Variants in SLC25A53 observed in about 807,000 individuals in gnomAD.
The protein encoded by SLC25A53 is mitochondrial carrier triple repeat protein 6.
In SLC25A53, 5 loss-of-function variants were observed where a neutral mutation model predicts 15.0. That is an observed-to-expected ratio of 0.33 (90% CI 0.17 to 0.70). SLC25A53 has a LOEUF of 0.70. Among genes scored for constraint, SLC25A53 ranks in the 30% least tolerant of loss-of-function variants. The pLI, the probability that SLC25A53 is intolerant of heterozygous loss-of-function variation, is 0.67. For synonymous variants in SLC25A53, 95 were observed against 100.0 expected, an observed-to-expected ratio of 0.95 and a Z score of 0.30; for missense variants, 216 against 241.6, an observed-to-expected ratio of 0.89 and a Z score of 0.70.
At chrX:104,133,419 G>C (rs924699435) in intron 1 of SLC25A53, among the ~76,000 whole-genome samples, 7 of 111,233 alleles carry the variant, frequency 6.3e-5, no homozygotes, top group Non-Finnish European at 7.5e-5. Context: ...ATAGAGGTGG[G>C]TGGCTGGTTC....
At chrX:104,113,935 G>T in intron 1 of SLC25A53, 1 of 727,900 alleles carries the variant, frequency 1.4e-6, no homozygotes. Flanking sequence ...GAATGCTACT[G>T]CAGACTGCTT....
At chrX:104,146,258 C>A (rs1362918295) in intron 1 of SLC25A53, among the ~76,000 whole-genome samples, 3 of 112,053 alleles carry the variant, frequency 2.7e-5, no homozygotes, top group Non-Finnish European at 1.9e-5. Context: ...TTCAACAGCC[C>A]TTCATGCTAA....
intron 1 of SLC25A53, among the ~76,000 whole-genome samples, chrX:104,155,736 C>G (rs911581440): frequency 9.0e-6 from 1 of 111,001 alleles, no homozygotes; most frequent in Non-Finnish European, 1.9e-5. Flanking sequence ...GGCAAATGCT[C>G]TTACCAGAAA....
chrX:104,105,159 A>G lies in SLC25A53; in HGVS notation c.99T>C (p.Leu33=), dbSNP rs1556355452. ...KKSWHSQAYA[L]GAVSNFMSTF... ...TAGACATAAAGTTGGAAACGGCCCC[A>G]AGGGCATAGGCCTGGGAATGCCAGC... Residue 33 remains leucine, a synonymous_variant, in exon 2 of 2, where the codon CTT becomes CTC. Transcript: ENST00000594199. 8.3e-7 allele frequency: 1 copy of G among 1,210,876 alleles called. No individual in the cohort carries two copies. The highest frequency in any genetic ancestry group is 1.7e-5 in the African/African-American group (1 of 57,406).
At chrX:104,110,528 A>G (rs1485995574) in intron 1 of SLC25A53, among the ~76,000 whole-genome samples, 4 of 112,579 alleles carry the variant, frequency 3.6e-5, no homozygotes, top group African/African-American at 9.7e-5. Flanking sequence ...TGAAGCCAAC[A>G]GCAGCGGAAG....
At chrX:104,156,348 A>T (rs1266188618) in intron 1 of SLC25A53, among the ~76,000 whole-genome samples, 1 of 111,616 alleles carries the variant, frequency 9.0e-6, no homozygotes, top group Non-Finnish European at 1.9e-5. Context: ...CTCCAAATGC[A>T]GATAGCAACC....
At chrX:104,129,092 T>A (rs2075418774) in intron 1 of SLC25A53, among the ~76,000 whole-genome samples, 1 of 112,102 alleles carries the variant, frequency 8.9e-6, no homozygotes, top group Non-Finnish European at 1.9e-5. Context: ...TGGGTTAACA[T>A]AACCATAAAT....
chrX:104,141,825 C>T (rs782252292), intron 1 of SLC25A53, among the ~76,000 whole-genome samples: 1 of 111,454 alleles, frequency 9.0e-6, no homozygotes, highest in Admixed American at 9.5e-5. Flanking sequence ...TGGGCTCAAG[C>T]GACCCACCTG....
chrX:104,122,433 G>A (rs1294206178), intron 1 of SLC25A53, among the ~76,000 whole-genome samples: 15 of 107,784 alleles, frequency 1.4e-4, no homozygotes. Flanking sequence ...TGAGTCTCAG[G>A]ATGGGTAAAG....
chrX:104,141,558 G>C (rs2075450730), intron 1 of SLC25A53, among the ~76,000 whole-genome samples: 3 of 111,631 alleles, frequency 2.7e-5, no homozygotes, highest in Non-Finnish European at 5.6e-5. Context: ...CAATATCTCT[G>C]AATGCTCACT....
Position 104,117,063 on chromosome X carries a change from T to C in SLC25A53, c.-31-11775A>G, listed in dbSNP as rs782625069. Among the ~76,000 whole-genome samples, 154 of 87,879 alleles carry C rather than the reference T, an allele frequency of 1.8e-3. 1 individual carries two copies. The highest frequency in any genetic ancestry group is 8.3e-4 in the East Asian group (2 of 2,404). 76.3% of individuals were successfully genotyped at this position (87,879 alleles called of 115,157 possible). A position where few individuals can be genotyped will look rare whatever the true frequency, so the allele number is the denominator to read the frequency against. ...CTCCATGCACATCCCCACAATCTCA[T>C]TCAGATCCTTCCTGCTCCATCTGTA... On this transcript the variant is annotated intron_variant, in intron 1 of 1. Transcript: ENST00000594199.
intron 1 of SLC25A53, among the ~76,000 whole-genome samples, chrX:104,109,835 G>A (rs1556357507): frequency 8.9e-6 from 1 of 112,372 alleles, no homozygotes; most frequent in African/African-American, 3.2e-5. Context: ...CTGGCACAAA[G>A]GAGGCAGGCA....
intron 1 of SLC25A53, among the ~76,000 whole-genome samples, chrX:104,135,691 G>A (rs981260166): frequency 7.2e-5 from 8 of 110,845 alleles, no homozygotes; most frequent in Admixed American, 4.8e-4. Context: ...CACCTCCAGC[G>A]AAAAACTCAT....
intron 1 of SLC25A53, among the ~76,000 whole-genome samples, chrX:104,118,136 A>G (rs1293007912): frequency 8.9e-6 from 1 of 112,763 alleles, no homozygotes; most frequent in Admixed American, 9.3e-5. Flanking sequence ...TGGAGTGATT[A>G]CAGGGTTAAG....
At chrX:104,108,421 C>G (rs1172948963) in intron 1 of SLC25A53, among the ~76,000 whole-genome samples, 1 of 111,480 alleles carries the variant, frequency 9.0e-6, no homozygotes, top group Non-Finnish European at 1.9e-5. Context: ...ACTTCACTAT[C>G]TGTCTCCACA....
At chrX:104,121,674 T>G (rs2075392952) in intron 1 of SLC25A53, among the ~76,000 whole-genome samples, 1 of 107,995 alleles carries the variant, frequency 9.3e-6, no homozygotes, top group South Asian at 4.0e-4. Flanking sequence ...TTCAAATGAT[T>G]TGGCAGGAGG....
intron 1 of SLC25A53, among the ~76,000 whole-genome samples, chrX:104,146,749 C>T (rs376442114): frequency 4.1e-4 from 45 of 108,913 alleles, no homozygotes; most frequent in East Asian, 3.5e-3. Context: ...TTACAAGGGA[C>T]GTGAAGGACC....
At chrX:104,110,319 G>C (rs1454994042) in intron 1 of SLC25A53, among the ~76,000 whole-genome samples, 1 of 111,489 alleles carries the variant, frequency 9.0e-6, no homozygotes, top group Non-Finnish European at 1.9e-5. Context: ...TGTGTGAGGT[G>C]AGCAACTTGC....
At chrX:104,153,216 A>G (rs1244239419) in intron 1 of SLC25A53, among the ~76,000 whole-genome samples, 3 of 110,856 alleles carry the variant, frequency 2.7e-5, no homozygotes, top group African/African-American at 9.9e-5. Context: ...AGAACATCAT[A>G]GACTGTACTT....
Sources: gnomAD v4.1 joint callset for allele counts (sites outside exome capture counted in the v4.1 genomes callset) on GRCh38, gnomAD v4.1.1 for gene constraint, MANE v1.5 for transcripts, NCBI Gene and HGNC (gene_info 2026-07-23, HGNC 2026-07-21) for gene names.